The following MCTP1 variants were observed in gnomAD, a reference collection of about 807,000 sequenced individuals.
MCTP1 encodes the protein multiple C2 and transmembrane domain containing 1.
MCTP1 carries 69 observed loss-of-function variants against 120.6 expected under a neutral mutation model. The observed-to-expected ratio is 0.57, with a 90% confidence interval of 0.47 to 0.70. The LOEUF (loss-of-function observed/expected upper bound fraction) is 0.70, where lower values mean the gene tolerates loss of function less well. Among genes scored for constraint, MCTP1 ranks in the 30% least tolerant of loss-of-function variants. MCTP1 has a pLI of 0.00. For synonymous variants in MCTP1, 529 were observed against 493.1 expected (o/e 1.07, Z -0.96); for missense variants, 1,203 against 1,248.8 (o/e 0.96, Z 0.55).
At chr5:94,987,498 G>T (rs1052211661) in intron 2 of MCTP1, among the ~76,000 whole-genome samples, 1 of 152,138 alleles carries the variant, frequency 6.6e-6, no homozygotes, top group Non-Finnish European at 1.5e-5. Context: ...CATGACCTCT[G>T]TTGAATATCA....
intron 1 of MCTP1, among the ~76,000 whole-genome samples, chr5:95,127,118 T>C (rs1248169234): frequency 6.6e-6 from 1 of 152,114 alleles, no homozygotes; most frequent in East Asian, 1.9e-4. Context: ...AAATTCCTCA[T>C]CTAGCCTTCA....
At chr5:94,854,541 T>C (rs1349850022) in intron 17 of MCTP1, among the ~76,000 whole-genome samples, 1 of 151,916 alleles carries the variant, frequency 6.6e-6, no homozygotes, top group Non-Finnish European at 1.5e-5. Flanking sequence ...TGGTTCCATG[T>C]CAGTGATCAA....
At chr5:94,966,426 A>G (rs938262495) in intron 2 of MCTP1, among the ~76,000 whole-genome samples, 13 of 152,166 alleles carry the variant, frequency 8.5e-5, no homozygotes, top group African/African-American at 2.9e-4. Flanking sequence ...TATCTCAGTG[A>G]GTCTACTATT....
At chr5:94,865,697 G>C (rs116420773) in intron 17 of MCTP1, among the ~76,000 whole-genome samples, 1,953 of 151,918 alleles carry the variant, frequency 0.013, 52 homozygotes, top group African/African-American at 0.045. Flanking sequence ...ATCCCAAGTA[G>C]TTTTTGTTCA....
At chr5:95,160,056 T>C (rs1007888165) in intron 1 of MCTP1, among the ~76,000 whole-genome samples, 4 of 152,156 alleles carry the variant, frequency 2.6e-5, no homozygotes, top group Non-Finnish European at 4.4e-5. Flanking sequence ...GTTGGAAAAG[T>C]AGGCAGAAGA....
intron 1 of MCTP1, among the ~76,000 whole-genome samples, chr5:95,033,478 A>AC (rs1840666461): frequency 6.6e-6 from 1 of 152,120 alleles, no homozygotes; most frequent in Non-Finnish European, 1.5e-5. Context: ...AACAAAAACC[A>AC]TATGATTATC....
At chr5:94,736,188 C>T (rs1284618239) in intron 19 of MCTP1, among the ~76,000 whole-genome samples, 1 of 152,198 alleles carries the variant, frequency 6.6e-6, no homozygotes, top group African/African-American at 2.4e-5. Context: ...AGCACAGTCC[C>T]AAATTCAAAT....
intron 3 of MCTP1, among the ~76,000 whole-genome samples, chr5:94,947,555 A>AATATGTATATAT (rs1554147609): frequency 2.5e-5 from 1 of 39,508 alleles, no homozygotes; most frequent in Non-Finnish European, 4.8e-5. Context: ...TAGTTTACTA[A>AATATGTATATAT]ATATATATAT....
At chr5:95,257,671 CAAGT>C (rs749675252) in intron 1 of MCTP1, among the ~76,000 whole-genome samples, 7 of 152,012 alleles carry the variant, frequency 4.6e-5, no homozygotes, top group Non-Finnish European at 8.8e-5. Context: ...ATACTATTCT[CAAGT>C]AAAAGAAAAC....
chr5:94,820,719 C>T (rs567635071), intron 17 of MCTP1, among the ~76,000 whole-genome samples: 30 of 152,312 alleles, frequency 2.0e-4, no homozygotes, highest in Non-Finnish European at 1.8e-4. Flanking sequence ...TAACGCTGAA[C>T]GCTTGCTGCC....
At chr5:95,026,253 T>C (rs1414317107) in intron 1 of MCTP1, among the ~76,000 whole-genome samples, 1 of 152,160 alleles carries the variant, frequency 6.6e-6, no homozygotes, top group Non-Finnish European at 1.5e-5. Context: ...TCAGGTTAAA[T>C]GGGATACTCA....
chr5:94,941,052 ATC>A (rs920053675), intron 4 of MCTP1, among the ~76,000 whole-genome samples: 5 of 152,030 alleles, frequency 3.3e-5, no homozygotes, highest in South Asian at 2.1e-4. Context: ...TGTATAAATA[ATC>A]TCTTTTAATT....
chr5:94,857,100 T>G (rs1042385843), intron 17 of MCTP1, among the ~76,000 whole-genome samples: 2 of 151,706 alleles, frequency 1.3e-5, no homozygotes, highest in Admixed American at 6.6e-5. Flanking sequence ...CACCCTTTTA[T>G]GATGCCTGAT....
Position 94,776,508 on chromosome 5 carries a change from A to G in MCTP1, c.2610+2602T>C, listed in dbSNP as rs149715028. On this transcript the variant is annotated intron_variant, in intron 19 of 22. Transcript: ENST00000515393. ...TGTGGTAATCAGGGAAAGCCAAGACACTGGCCCCGGTGAAACATCTGGGAC... is the reference window on the plus strand; with the variant it reads ...TGTGGTAATCAGGGAAAGCCAAGACGCTGGCCCCGGTGAAACATCTGGGAC... Among the ~76,000 whole-genome samples, 82 of 152,300 alleles carry G rather than the reference A, an allele frequency of 5.4e-4. 2 individuals carry two copies. In the South Asian group the frequency reaches 0.011, roughly 21 times the overall value.
chr5:94,904,784 T>A (rs1221248295), intron 10 of MCTP1, among the ~76,000 whole-genome samples: 1 of 152,208 alleles, frequency 6.6e-6, no homozygotes, highest in East Asian at 1.9e-4. Context: ...ATTTCCAGTG[T>A]TAAATCAAGC....
intron 19 of MCTP1, among the ~76,000 whole-genome samples, chr5:94,754,636 G>C (rs759279729): frequency 6.6e-5 from 10 of 152,278 alleles, no homozygotes; most frequent in Non-Finnish European, 1.5e-4. Flanking sequence ...TAAACAGTCC[G>C]ATCAGTCTTT....
At chr5:94,764,960 C>T (rs1328272884) in intron 19 of MCTP1, among the ~76,000 whole-genome samples, 1 of 151,830 alleles carries the variant, frequency 6.6e-6, no homozygotes, top group Non-Finnish European at 1.5e-5. Context: ...CTCATCAGCA[C>T]ATGGGACATT....
At chr5:94,894,866 G>GTT in intron 10 of MCTP1, 31 bp from the exon 11 acceptor site, 8 of 1,162,812 alleles carry the variant, frequency 6.9e-6, no homozygotes, top group Non-Finnish European at 8.9e-6. Context: ...TCAGCAAGTG[G>GTT]CTTTTTTTTT....
chr5:95,278,958 GT>G (rs1760089532), intron 1 of MCTP1, among the ~76,000 whole-genome samples: 1 of 142,194 alleles, frequency 7.0e-6, no homozygotes, highest in African/African-American at 2.6e-5. Flanking sequence ...GCAAAACTCC[GT>G]CTCAAAAAAA....
Sources: gnomAD v4.1 joint callset for allele counts (sites outside exome capture counted in the v4.1 genomes callset) on GRCh38, gnomAD v4.1.1 for gene constraint, MANE v1.5 for transcripts, NCBI Gene and HGNC (gene_info 2026-07-23, HGNC 2026-07-21) for gene names.